Variants in TSNARE1 observed in about 807,000 individuals in gnomAD.
The protein encoded by TSNARE1 is t-SNARE domain containing 1, also known as t-SNARE domain-containing protein 1.
In TSNARE1, 49 loss-of-function variants were observed where a neutral mutation model predicts 62.0. The ratio of observed to expected loss-of-function variants is 0.79; its 90% CI spans 0.63 to 1.00. TSNARE1 has a LOEUF of 1.00. TSNARE1 is among the 50% of genes least tolerant of loss of function. The pLI is 0.00. For missense variants in TSNARE1, 755 were observed against 700.1 expected, an observed-to-expected ratio of 1.08 and a Z score of -0.88; for synonymous variants, 328 against 294.4, an observed-to-expected ratio of 1.11 and a Z score of -1.17.
chr8:142,351,652 G>A (rs1199178196), intron 2 of TSNARE1, among the ~76,000 whole-genome samples: 5 of 152,080 alleles, frequency 3.3e-5, no homozygotes, highest in African/African-American at 7.2e-5. Flanking sequence ...AAACATACCC[G>A]AGACACTTCT....
chr8:142,266,077 C>T (rs1819122536), intron 12 of TSNARE1, among the ~76,000 whole-genome samples: 1 of 152,116 alleles, frequency 6.6e-6, no homozygotes, highest in African/African-American at 2.4e-5. Context: ...TGAAGGAACC[C>T]TTGAGCTTTT....
chr8:142,289,757 G>A (rs780481392), intron 10 of TSNARE1, among the ~76,000 whole-genome samples: 7 of 152,224 alleles, frequency 4.6e-5, no homozygotes, highest in African/African-American at 9.6e-5. Context: ...ATGGGAGGCC[G>A]CCGGGACTTA....
At chr8:142,224,980 C>A (rs1326136976) in intron 13 of TSNARE1, among the ~76,000 whole-genome samples, 2 of 152,122 alleles carry the variant, frequency 1.3e-5, no homozygotes, top group Non-Finnish European at 2.9e-5. Context: ...AGCCTGCAGG[C>A]TGGGAGCTGC....
intron 1 of TSNARE1, among the ~76,000 whole-genome samples, chr8:142,359,639 G>A (rs1835010891): frequency 6.6e-6 from 1 of 152,176 alleles, no homozygotes. Context: ...AATCTGACTG[G>A]CCCCAGGCCA....
chr8:142,382,975 G>T (rs770720305), intron 1 of TSNARE1, among the ~76,000 whole-genome samples: 7 of 152,110 alleles, frequency 4.6e-5, no homozygotes, highest in Non-Finnish European at 8.8e-5. Flanking sequence ...GCCGAGCAGG[G>T]TCTGGGGGGA....
intron 2 of TSNARE1, among the ~76,000 whole-genome samples, chr8:142,352,783 G>A (rs1332357396): frequency 4.6e-5 from 7 of 152,178 alleles, no homozygotes; most frequent in Non-Finnish European, 8.8e-5. Context: ...GAACCAGCAA[G>A]ATGCGGCACA....
chr8:142,220,999 C>T (rs1024496805), intron 13 of TSNARE1, among the ~76,000 whole-genome samples: 23 of 152,214 alleles, frequency 1.5e-4, no homozygotes, highest in African/African-American at 5.5e-4. Flanking sequence ...TGCATTGTCA[C>T]GTCCCGTAAA....
At chr8:142,244,675 C>T (rs999535244) in intron 12 of TSNARE1, among the ~76,000 whole-genome samples, 1 of 152,102 alleles carries the variant, frequency 6.6e-6, no homozygotes, top group African/African-American at 2.4e-5. Context: ...AGAACGAATC[C>T]GGGAGGTGGA....
chr8:142,255,566 C>T (rs796567810), intron 12 of TSNARE1, among the ~76,000 whole-genome samples: 10 of 10,794 alleles, frequency 9.3e-4, no homozygotes, highest in Admixed American at 3.2e-3. Context: ...ACCATCACCA[C>T]CATCACCATC....
At chr8:142,311,500 T>G (rs1420616221) in intron 9 of TSNARE1, among the ~76,000 whole-genome samples, 3 of 151,872 alleles carry the variant, frequency 2.0e-5, no homozygotes, top group South Asian at 2.1e-4. Flanking sequence ...TTTCTCCATG[T>G]TGGTCAGGCT....
intron 11 of TSNARE1, chr8:142,277,250 C>G: frequency 2.0e-6 from 2 of 985,358 alleles, no homozygotes; most frequent in Non-Finnish European, 2.4e-6. Context: ...CAAGGGATAC[C>G]CAAGCACTAG....
intron 9 of TSNARE1, among the ~76,000 whole-genome samples, chr8:142,305,761 C>T (rs760245559): frequency 1.2e-4 from 18 of 152,312 alleles, no homozygotes; most frequent in Non-Finnish European, 1.6e-4. Context: ...GCAGAGGGGA[C>T]GGCCCTGTGA....
intron 1 of TSNARE1, 101 bp from the exon 2 acceptor site, chr8:142,354,864 G>A: frequency 1.5e-6 from 1 of 662,520 alleles, no homozygotes. Context: ...CCAGCCCCAA[G>A]ACCCTGGCTC....
At chr8:142,274,302 A>T in intron 12 of TSNARE1, 1 of 985,434 alleles carries the variant, frequency 1.0e-6, no homozygotes, top group Admixed American at 6.1e-5. Context: ...AACAAGGCCC[A>T]GTGAGTGGCT....
At chr8:142,365,775 A>C (rs556336024) in intron 1 of TSNARE1, 1 of 253,206 alleles carries the variant, frequency 3.9e-6, no homozygotes, top group South Asian at 3.4e-5. Flanking sequence ...AAAAGTCCTA[A>C]ATTAAACCTA....
intron 9 of TSNARE1, among the ~76,000 whole-genome samples, chr8:142,306,382 G>A (rs1026883176): frequency 6.6e-6 from 1 of 152,242 alleles, no homozygotes; most frequent in Non-Finnish European, 1.5e-5. Context: ...TGTAGGCTGA[G>A]GTGGCCAGTG....
chr8:142,276,248 C>T (rs1000001805), intron 11 of TSNARE1: 26 of 985,310 alleles, frequency 2.6e-5, no homozygotes, highest in Non-Finnish European at 3.0e-5. Context: ...CACCCCTTTG[C>T]TCACTTGCAG....
intron 12 of TSNARE1, among the ~76,000 whole-genome samples, chr8:142,240,094 T>C (rs58902553): frequency 0.012 from 1,887 of 152,184 alleles, 32 homozygotes; most frequent in African/African-American, 0.042. Context: ...CTATCTGCTA[T>C]TTACAAGAGG....
chr8:142,297,715 C>T (rs1013769379), intron 10 of TSNARE1, among the ~76,000 whole-genome samples: 4 of 152,230 alleles, frequency 2.6e-5, no homozygotes, highest in South Asian at 4.1e-4. Context: ...GTGCGACCTC[C>T]GCTGCGTCAC....
Sources: gnomAD v4.1 joint callset for allele counts (sites outside exome capture counted in the v4.1 genomes callset) on GRCh38, gnomAD v4.1.1 for gene constraint, MANE v1.5 for transcripts, NCBI Gene and HGNC (gene_info 2026-07-23, HGNC 2026-07-21) for gene names.